The following NTN1 variants were observed in gnomAD, a reference collection of about 807,000 sequenced individuals.
The protein encoded by NTN1 is netrin 1, also known as netrin-1.
In NTN1, 11 loss-of-function variants were observed where a neutral mutation model predicts 54.2. That is an observed-to-expected ratio of 0.20 (90% CI 0.13 to 0.34). The LOEUF (loss-of-function observed/expected upper bound fraction) is 0.34. NTN1 is among the 10% of genes least tolerant of loss of function. The probability of loss-of-function intolerance (pLI) is 1.00; values close to 1 mark genes in which losing one functional copy is unlikely to be tolerated. For synonymous variants in NTN1, 371 were observed against 382.0 expected, an observed-to-expected ratio of 0.97 and a Z score of 0.33; for missense variants, 740 against 893.1, an observed-to-expected ratio of 0.83 and a Z score of 2.18.
At chr17:9,218,915 GAAAA>G (rs58849878) in intron 5 of NTN1, among the ~76,000 whole-genome samples, 8 of 141,148 alleles carry the variant, frequency 5.7e-5, no homozygotes, top group African/African-American at 1.3e-4. Flanking sequence ...TGGCTTTTGT[GAAAA>G]AAAAAAAAAA....
At chr17:9,013,210 CT>C in the NTN1 span, among the ~76,000 whole-genome samples, 1 of 107,400 alleles carries the variant, frequency 9.3e-6, no homozygotes, top group Non-Finnish European at 1.8e-5. Flanking sequence ...TTTCTTTTTT[CT>C]TTTTCTTTTT....
intron 3 of NTN1, chr17:9,172,820 A>C (rs2092390846): frequency 6.6e-6 from 1 of 150,844 alleles, no homozygotes. Flanking sequence ...GAGGCAGGAG[A>C]ATCACTTGAA....
At chr17:9,040,771 C>T (rs1030676550) in intron 2 of NTN1, among the ~76,000 whole-genome samples, 4 of 151,644 alleles carry the variant, frequency 2.6e-5, no homozygotes, top group Admixed American at 6.6e-5. Flanking sequence ...CTATTCCTGA[C>T]TTACTGGGAG....
intron 3 of NTN1, chr17:9,176,935 A>T (rs952013446): frequency 2.0e-5 from 3 of 152,212 alleles, no homozygotes; most frequent in African/African-American, 7.2e-5. Flanking sequence ...GGACCAAGGG[A>T]TTCGACACGT....
chr17:9,233,274 T>TC (rs1030497194), intron 6 of NTN1, among the ~76,000 whole-genome samples: 5 of 152,132 alleles, frequency 3.3e-5, no homozygotes, highest in Non-Finnish European at 7.4e-5. Context: ...CTGCGGCCAC[T>TC]CCCCCAGGGC....
At position 9,023,039 on chromosome 17, in the gene NTN1, G is replaced by A; in HGVS notation, c.666G>A (p.Thr222=). Residue 222 remains threonine (T), a synonymous_variant, in exon 2 of 7, where the codon ACG becomes ACA. Transcript: ENST00000173229. ...PLSGGLIAFS[T]LDGRPSAHDF... ...CGGGCGGCCTCATCGCCTTCAGCAC[G>A]CTGGACGGGCGGCCCTCGGCGCACG... is the stretch of plus-strand genomic sequence containing the variant. The A allele has an allele frequency of 6.3e-7, 1 of 1,592,412 alleles. No individual in the cohort carries two copies. Among genetic ancestry groups the A allele is most frequent in the Non-Finnish European group, 8.5e-7 (1 of 1,171,092 alleles).
At chr17:9,048,483 A>G (rs2091948231) in intron 2 of NTN1, among the ~76,000 whole-genome samples, 3 of 152,272 alleles carry the variant, frequency 2.0e-5, no homozygotes, top group African/African-American at 7.2e-5. Context: ...TTTTCAGAAT[A>G]GTAAATGAGC....
chr17:9,079,540 G>A (rs542427522), intron 2 of NTN1, among the ~76,000 whole-genome samples: 4 of 152,258 alleles, frequency 2.6e-5, no homozygotes, highest in Admixed American at 2.6e-4. Context: ...TTTCCCCAGC[G>A]GACCTATTTT....
At chr17:9,227,132 G>A (rs1418597512) in intron 6 of NTN1, among the ~76,000 whole-genome samples, 5 of 151,958 alleles carry the variant, frequency 3.3e-5, no homozygotes, top group East Asian at 1.9e-4. Context: ...TGCCTCCCAC[G>A]TCTCACACAA....
intron 3 of NTN1, chr17:9,179,107 C>T (rs1393836226): frequency 6.6e-6 from 1 of 152,250 alleles, no homozygotes; most frequent in African/African-American, 2.4e-5. Context: ...CCGTTCCCTT[C>T]CTGTGAGGCT....
At chr17:9,112,492 G>A (rs1156599135) in intron 2 of NTN1, among the ~76,000 whole-genome samples, 1 of 152,048 alleles carries the variant, frequency 6.6e-6, no homozygotes, top group Non-Finnish European at 1.5e-5. Flanking sequence ...TGTCTGCTCG[G>A]TGCCACGATT....
chr17:9,211,174 T>G lies in NTN1; in HGVS notation c.1412-9994T>G, dbSNP rs1368460858. Among the ~76,000 whole-genome samples, 1 of 152,190 alleles carries G rather than the reference T, an allele frequency of 6.6e-6. No homozygotes were observed. The highest frequency in any genetic ancestry group is 1.5e-5 in the Non-Finnish European group (1 of 68,042). On this transcript the variant is annotated intron_variant, in intron 5 of 6. Transcript: ENST00000173229. The surrounding 1 kb of genome is among the most constrained non-coding windows in gnomAD (Gnocchi z 4.4). ...AAACTGTAAGCCTCATCTCTGGCTG[T>G]GCAAACCCCAGCTTTTGCCAGCTCC...
At chr17:9,162,778 C>T in intron 2 of NTN1, 35 bp from the exon 3 acceptor site, 7 of 1,579,984 alleles carry the variant, frequency 4.4e-6, no homozygotes, top group Non-Finnish European at 6.1e-6. Context: ...CCCCGCGCCC[C>T]TGCGGCTGAC....
intron 2 of NTN1, among the ~76,000 whole-genome samples, chr17:9,060,135 T>G (rs1433121365): frequency 6.6e-6 from 1 of 152,138 alleles, no homozygotes; most frequent in African/African-American, 2.4e-5. Flanking sequence ...AGGATCCATT[T>G]ATACATGGAT....
chr17:9,046,131 T>C (rs1464580205), intron 2 of NTN1, among the ~76,000 whole-genome samples: 1 of 152,176 alleles, frequency 6.6e-6, no homozygotes, highest in African/African-American at 2.4e-5. Flanking sequence ...GGGGAAAATA[T>C]TTGTAAATCA....
chr17:9,193,239 A>G (rs1383870138), intron 5 of NTN1, among the ~76,000 whole-genome samples: 1 of 152,146 alleles, frequency 6.6e-6, no homozygotes, highest in Non-Finnish European at 1.5e-5. Flanking sequence ...CCAAATTCCA[A>G]TTTGTACTAT....
At chr17:9,078,302 T>G (rs79877680) in intron 2 of NTN1, among the ~76,000 whole-genome samples, 1 of 152,066 alleles carries the variant, frequency 6.6e-6, no homozygotes, top group African/African-American at 2.4e-5. Context: ...AGCAGTTCCC[T>G]GGGTGGGGGC....
At chr17:9,097,925 G>C (rs1186500683) in intron 2 of NTN1, among the ~76,000 whole-genome samples, 1 of 151,832 alleles carries the variant, frequency 6.6e-6, no homozygotes, top group Non-Finnish European at 1.5e-5. Flanking sequence ...TCTCCTTTGA[G>C]AATTTTCTGC....
At position 9,189,315 on chromosome 17, in the gene NTN1, G is replaced by A. The variant is rs532265521; in HGVS notation, c.1411+6346G>A. On this transcript the variant is annotated intron_variant, in intron 5 of 6. Coordinates refer to ENST00000173229, the MANE Select transcript of NTN1 (RefSeq NM_004822.3). ...GGTTGCCTGGGCGCAGAGTCTGTGA[G>A]TGCTGTTGGCCACCATGCCATTCCC... Among the ~76,000 whole-genome samples the A allele has an allele frequency of 7.2e-5, 11 of 152,332 alleles. No homozygotes were observed. In the East Asian group the frequency reaches 1.9e-3, roughly 27 times the overall value.
Sources: allele counts gnomAD v4.1 joint callset (sites outside exome capture counted in the v4.1 genomes callset), GRCh38; gene constraint gnomAD v4.1.1; non-coding constraint Gnocchi (gnomAD v3.1); transcripts MANE v1.5; gene names NCBI Gene and HGNC (gene_info 2026-07-23, HGNC 2026-07-21).